Variants in LRRC36 observed in about 807,000 individuals in gnomAD.
LRRC36 encodes the protein leucine-rich repeat-containing protein 36.
A neutral mutation model predicts 81.1 loss-of-function variants in LRRC36; 62 were observed. That is an observed-to-expected ratio of 0.76 (90% CI 0.62 to 0.94). LRRC36 has a LOEUF of 0.94. Among genes scored for constraint, LRRC36 ranks in the 40% least tolerant of loss-of-function variants. LRRC36 has a pLI of 0.00. For missense variants in LRRC36, 761 were observed against 881.7 expected, an observed-to-expected ratio of 0.86 and a Z score of 1.73; for synonymous variants, 334 against 348.6, an observed-to-expected ratio of 0.96 and a Z score of 0.47.
At chr16:67,332,906 A>T (rs28526086) in intron 1 of LRRC36, among the ~76,000 whole-genome samples, 26,911 of 150,366 alleles carry the variant, frequency 0.18, 5,581 homozygotes, top group African/African-American at 0.51. Flanking sequence ...ATTTTTTTTT[A>T]AAAAAAACAT....
intron 9 of LRRC36, among the ~76,000 whole-genome samples, chr16:67,374,373 A>G (rs2039793076): frequency 1.3e-5 from 2 of 152,118 alleles, no homozygotes. Context: ...GTCAAACAAC[A>G]AATTTTTAAT....
At position 67,382,125 on chromosome 16, in the gene LRRC36, C is replaced by G. The variant is rs369792248; in HGVS notation, c.1931-8C>G. On this transcript the variant is annotated splice_polypyrimidine_tract_variant and splice_region_variant and intron_variant, in intron 12 of 13. Coordinates refer to ENST00000329956, the MANE Select transcript of LRRC36 (RefSeq NM_018296.6). ...CCTTTTCACCCCTGGCTACTGTGCC[C>G]TTTGTAGATGATCTTCTGCACAAAA... 5.7e-6 allele frequency: 9 copies of G among 1,591,748 alleles called. No homozygotes were observed. The African/African-American group carries it at 1.2e-4, about 21-fold the overall frequency.
At chr16:67,376,596 C>T (rs2039904075) in intron 10 of LRRC36, 131 bp from the exon 11 acceptor site, 2 of 899,128 alleles carry the variant, frequency 2.2e-6, no homozygotes, top group Non-Finnish European at 3.4e-6. Context: ...CTTTCTGCCA[C>T]TTACTAAGTT....
intron 2 of LRRC36, among the ~76,000 whole-genome samples, chr16:67,344,737 A>G (rs1274755181): frequency 6.6e-6 from 1 of 152,162 alleles, no homozygotes; most frequent in Admixed American, 6.6e-5. Flanking sequence ...AAGTTAATGG[A>G]ATTGGAGAAA....
chr16:67,330,009 AT>A (rs930844594), intron 1 of LRRC36, among the ~76,000 whole-genome samples: 6 of 152,042 alleles, frequency 3.9e-5, no homozygotes, highest in East Asian at 1.9e-4. Flanking sequence ...TAGGCTCCCC[AT>A]TTTTTTTCCC....
intron 5 of LRRC36, among the ~76,000 whole-genome samples, chr16:67,358,483 T>A (rs1442233709): frequency 6.6e-6 from 1 of 151,740 alleles, no homozygotes; most frequent in Non-Finnish European, 1.5e-5. Flanking sequence ...ACTACAGGCA[T>A]GTCGCCACTA....
chr16:67,363,075 G>A (rs569472910), intron 5 of LRRC36, among the ~76,000 whole-genome samples: 7 of 152,066 alleles, frequency 4.6e-5, no homozygotes, highest in Non-Finnish European at 7.4e-5. Context: ...GAGCCACCAC[G>A]CCCAGCTTAG....
At chr16:67,354,618 G>A (rs962252136) in intron 5 of LRRC36, among the ~76,000 whole-genome samples, 1 of 152,140 alleles carries the variant, frequency 6.6e-6, no homozygotes, top group African/African-American at 2.4e-5. Context: ...TTTTAGAACA[G>A]TTTTAGATTC....
intron 5 of LRRC36, among the ~76,000 whole-genome samples, chr16:67,358,334 CTA>C (rs1436051945): frequency 2.0e-5 from 3 of 151,902 alleles, no homozygotes; most frequent in African/African-American, 7.3e-5. Context: ...TGACAAGGAT[CTA>C]ATTAATATTC....
At chr16:67,355,178 T>C (rs1369355411) in intron 5 of LRRC36, among the ~76,000 whole-genome samples, 1 of 152,186 alleles carries the variant, frequency 6.6e-6, no homozygotes, top group Non-Finnish European at 1.5e-5. Flanking sequence ...ACATCTTGGT[T>C]GCTTCCAAGT....
rs747095531 is a variant in LRRC36 at position 67,376,773 on chromosome 16, T to G, written c.1707T>G (p.Ser569=). Residue 569 remains serine, a synonymous_variant, in exon 11 of 14, where the codon TCT becomes TCG. Coordinates refer to ENST00000329956, the MANE Select transcript of LRRC36 (RefSeq NM_018296.6). ...TGTCTTTGGTAGTCCCGGCTCCTTC[T>G]CAGCCGAGGTGTTGCTCACATCCTG... ...LLLSLVVPAP[S]QPRCCSHPED... is the part of the protein sequence containing the mutation. The G allele has an allele frequency of 1.9e-6, 3 of 1,613,762 alleles. No homozygotes were observed. In the African/African-American group the frequency reaches 4.0e-5, roughly 22 times the overall value.
rs933151625 is a variant in LRRC36, at chr16:67,346,430, C to T, written c.373C>T (p.Gln125Ter). 1 of 1,581,910 alleles carries T rather than the reference C, an allele frequency of 6.3e-7. No homozygotes were observed. Among genetic ancestry groups the T allele is most frequent in the Non-Finnish European group, 8.6e-7 (1 of 1,159,248 alleles). The change falls in exon 3 of 14, where the codon CAA becomes TAA. Residue 125 changes from glutamine to a stop codon, truncating the protein, a stop_gained. Transcript: ENST00000329956. LOFTEE classifies it high-confidence loss of function. Reference protein sequence around the residue: ...DYRLFAVYTLQTLEKLDDRTV... With the variant: ...DYRLFAVYTL ...TAGGCTCTTTGCTGTATATACACTA[C>T]AAACTCTGGAGAAATTAGGTAAGAC...
chr16:67,348,219 C>G (rs2038445399), intron 4 of LRRC36, among the ~76,000 whole-genome samples: 1 of 152,124 alleles, frequency 6.6e-6, no homozygotes, highest in South Asian at 2.1e-4. Context: ...TGAAAAAAGT[C>G]AAAATCACTT....
At chr16:67,374,235 ATATAT>A (rs1257324922) in intron 9 of LRRC36, among the ~76,000 whole-genome samples, 1 of 150,996 alleles carries the variant, frequency 6.6e-6, no homozygotes, top group Non-Finnish European at 1.5e-5. Context: ...TTATATATTA[ATATAT>A]TAAATATAAC....
rs2040248483 is a variant in LRRC36, at chr16:67,385,085, T to C, written c.2261T>C (p.Leu754Ser). Residue 754 changes from leucine to serine, a missense_variant, in exon 14 of 14, where the codon TTA becomes TCA. Coordinates refer to ENST00000329956, the MANE Select transcript of LRRC36 (RefSeq NM_018296.6). ...TTGGATGCTGCCCCAGAGCCTGGCTTATAGAGCTAGCATGGAACTCACACC... is the reference window on the plus strand; with the variant it reads ...TTGGATGCTGCCCCAGAGCCTGGCTCATAGAGCTAGCATGGAACTCACACC... Reference protein sequence around the residue: ...SVLDAAPEPGL With the variant: ...SVLDAAPEPGS 1 of 1,612,884 alleles carries C rather than the reference T, an allele frequency of 6.2e-7. No individual in the cohort carries two copies.
At chr16:67,358,056 A>T (rs1399148733) in intron 5 of LRRC36, among the ~76,000 whole-genome samples, 4 of 152,218 alleles carry the variant, frequency 2.6e-5, no homozygotes, top group Non-Finnish European at 5.9e-5. Context: ...GAAAAAGAAT[A>T]AACTGAAGTA....
In LRRC36 at chr16:67,360,606, G is replaced by A. The variant is rs2039100668; in HGVS notation, c.578-2984G>A. On this transcript the variant is annotated intron_variant, in intron 5 of 13. Coordinates refer to ENST00000329956, the MANE Select transcript of LRRC36 (RefSeq NM_018296.6). ...CAGGACAAAAAGGTTGATAGCTCATGTCACTTGCAGAAAAGTAGTTCTGTC... is the reference window on the plus strand; with the variant it reads ...CAGGACAAAAAGGTTGATAGCTCATATCACTTGCAGAAAAGTAGTTCTGTC... 2.0e-5 allele frequency among the ~76,000 whole-genome samples: 3 copies of A among 152,224 alleles called. No homozygotes were observed. In the South Asian group the frequency reaches 6.2e-4, roughly 32 times the overall value.
intron 2 of LRRC36, among the ~76,000 whole-genome samples, chr16:67,343,240 G>A (rs556109256): frequency 6.6e-6 from 1 of 152,034 alleles, no homozygotes; most frequent in African/African-American, 2.4e-5. Flanking sequence ...CTTTCACTTC[G>A]GTAAACTGGG....
At chr16:67,330,015 T>C (rs2142554358) in intron 1 of LRRC36, among the ~76,000 whole-genome samples, 1 of 152,336 alleles carries the variant, frequency 6.6e-6, no homozygotes, top group East Asian at 1.9e-4. Flanking sequence ...CCCCATTTTT[T>C]TTCCCTCGCA....
Sources: allele counts gnomAD v4.1 joint callset (sites outside exome capture counted in the v4.1 genomes callset), GRCh38; gene constraint gnomAD v4.1.1; transcripts MANE v1.5; gene names NCBI Gene and HGNC (gene_info 2026-07-23, HGNC 2026-07-21).